NR3C1: variants seen among roughly 807,000 people sequenced by gnomAD.
The protein encoded by NR3C1 is glucocorticoid receptor.
In NR3C1, 14 loss-of-function variants were observed where a neutral mutation model predicts 74.0. That is an observed-to-expected ratio of 0.19 (90% CI 0.12 to 0.30). The LOEUF (loss-of-function observed/expected upper bound fraction) is 0.30, where lower values mean the gene tolerates loss of function less well. Ranked by LOEUF, NR3C1 falls within the 10% of genes least tolerant of loss-of-function variation. The pLI is 1.00. For missense variants in NR3C1, 695 were observed against 909.8 expected (o/e 0.76, Z 3.04); for synonymous variants, 308 against 332.5 (o/e 0.93, Z 0.80).
chr5:143,380,632 TGA>T (rs1246501581), intron 2 of NR3C1, among the ~76,000 whole-genome samples: 2 of 126,566 alleles, frequency 1.6e-5, no homozygotes, highest in Non-Finnish European at 3.1e-5. Context: ...GATGAGTGAC[TGA>T]GAGAGGAACT....
chr5:143,418,105 A>C (rs1434936772), intron 1 of NR3C1, among the ~76,000 whole-genome samples: 2 of 152,218 alleles, frequency 1.3e-5, no homozygotes, highest in Non-Finnish European at 1.5e-5. Context: ...ACCAGACTGA[A>C]TGTGCAAGCT....
rs1003862873 is a variant in NR3C1, at chr5:143,403,358, A to G, written c.-161T>C. On this transcript the variant is annotated 5_prime_UTR_variant, in exon 1 of 9. It removes an upstream start codon present in the reference 5' UTR. Transcript: ENST00000394464. ...GAAGTAAACAGCCGCCCCTTTCTCC[A>G]TGGGTGGGGGGAGAGCCCCTATTTA... 28 of 985,086 alleles carry G rather than the reference A, an allele frequency of 2.8e-5. No individual in the cohort carries two copies. The highest frequency in any genetic ancestry group is 6.2e-5 in the Admixed American group (1 of 16,258). The allele number at this position is 985,086 out of a possible 1,614,324, so 61.0% of individuals were successfully genotyped here. A position where few individuals can be genotyped will look rare whatever the true frequency, so the allele number is the denominator to read the frequency against.
chr5:143,367,326 T>C (rs1488420424), intron 2 of NR3C1, among the ~76,000 whole-genome samples: 1 of 152,000 alleles, frequency 6.6e-6, no homozygotes, highest in Non-Finnish European at 1.5e-5. Context: ...AACTGAAAGG[T>C]TTCCCCACAA....
intron 2 of NR3C1, among the ~76,000 whole-genome samples, chr5:143,352,505 G>GT (rs991832275): frequency 2.6e-4 from 39 of 151,492 alleles, no homozygotes; most frequent in Non-Finnish European, 3.7e-4. Flanking sequence ...CATATTCTAC[G>GT]TTTTTTTTAT....
At chr5:143,324,825 C>T (rs976063880) in intron 2 of NR3C1, among the ~76,000 whole-genome samples, 3 of 152,182 alleles carry the variant, frequency 2.0e-5, no homozygotes, top group African/African-American at 7.2e-5. Flanking sequence ...AATCATCTCT[C>T]TCAAGTTCAA....
At chr5:143,423,490 T>A (rs1430667176) in intron 1 of NR3C1, among the ~76,000 whole-genome samples, 1 of 152,088 alleles carries the variant, frequency 6.6e-6, no homozygotes, top group African/African-American at 2.4e-5. Flanking sequence ...GGAACCCTCA[T>A]ACACTGTTGG....
At chr5:143,379,784 G>A (rs186481611) in intron 2 of NR3C1, among the ~76,000 whole-genome samples, 1 of 152,194 alleles carries the variant, frequency 6.6e-6, no homozygotes, top group Admixed American at 6.5e-5. Context: ...CATTGCTACA[G>A]CCAACCAGCC....
chr5:143,431,225 A>C (rs1176330597), intron 1 of NR3C1, among the ~76,000 whole-genome samples: 1 of 152,102 alleles, frequency 6.6e-6, no homozygotes, highest in Non-Finnish European at 1.5e-5. Flanking sequence ...TCCCCAGTGC[A>C]TTCATTTTTC....
intron 2 of NR3C1, among the ~76,000 whole-genome samples, chr5:143,373,855 T>C (rs1313503594): frequency 6.6e-6 from 1 of 152,054 alleles, no homozygotes; most frequent in Admixed American, 6.6e-5. Context: ...TTAAGTTGGG[T>C]GGTAGGTACA....
At chr5:143,308,970 T>A (rs761519435) in intron 4 of NR3C1, among the ~76,000 whole-genome samples, 2 of 152,174 alleles carry the variant, frequency 1.3e-5, no homozygotes, top group Admixed American at 6.5e-5. Flanking sequence ...AATTCCAAAC[T>A]TTTTTCAGAG....
chr5:143,371,759 C>T (rs1423483320), intron 2 of NR3C1, among the ~76,000 whole-genome samples: 4 of 152,142 alleles, frequency 2.6e-5, no homozygotes, highest in East Asian at 1.9e-4. Context: ...CAAATGTGAA[C>T]GTTCTGTAAA....
At chr5:143,344,962 C>T (rs893479114) in intron 2 of NR3C1, among the ~76,000 whole-genome samples, 6 of 152,066 alleles carry the variant, frequency 3.9e-5, no homozygotes, top group African/African-American at 1.4e-4. Context: ...AGAGTTGGCT[C>T]GTTCTTCCCA....
chr5:143,402,840 A>C (rs1411908529), intron 1 of NR3C1: 1 of 985,134 alleles, frequency 1.0e-6, no homozygotes, highest in Non-Finnish European at 1.2e-6. Context: ...TTCACCACGA[A>C]AACGGGTGTC....
chr5:143,347,119 T>A, intron 2 of NR3C1, among the ~76,000 whole-genome samples: 1 of 152,338 alleles, frequency 6.6e-6, no homozygotes, highest in Non-Finnish European at 1.5e-5. Flanking sequence ...ATATTTGACA[T>A]AGAAAATGTC....
At chr5:143,434,875 T>C (rs1752038199) in exon 1 of NR3C1, 1 of 985,280 alleles carries the variant, frequency 1.0e-6, no homozygotes, top group Non-Finnish European at 1.2e-6. Flanking sequence ...GATGAACAAA[T>C]AGCTACCAAC....
intron 2 of NR3C1, among the ~76,000 whole-genome samples, chr5:143,337,424 G>C (rs985869722): frequency 1.3e-5 from 2 of 152,148 alleles, no homozygotes; most frequent in African/African-American, 2.4e-5. Flanking sequence ...TAAAGTCAAA[G>C]ACAAGAATGT....
upstream of NR3C1, chr5:143,403,787 G>A: frequency 1.0e-6 from 1 of 981,860 alleles, no homozygotes; most frequent in Non-Finnish European, 1.2e-6. Flanking sequence ...GATGCAACCT[G>A]TTGGTGACGC....
At chr5:143,355,199 AC>A (rs1367821041) in intron 2 of NR3C1, among the ~76,000 whole-genome samples, 12 of 152,198 alleles carry the variant, frequency 7.9e-5, no homozygotes, top group Admixed American at 7.9e-4. Context: ...ATGACAGAAT[AC>A]CCCTATAATG....
chr5:143,367,628 A>G (rs1450369755), intron 2 of NR3C1, among the ~76,000 whole-genome samples: 1 of 152,256 alleles, frequency 6.6e-6, no homozygotes, highest in African/African-American at 2.4e-5. Context: ...TCTTAAAGTG[A>G]AATTAAGAAA....
Sources: gnomAD v4.1 joint callset for allele counts (sites outside exome capture counted in the v4.1 genomes callset) on GRCh38, gnomAD v4.1.1 for gene constraint, MANE v1.5 for transcripts, NCBI Gene and HGNC (gene_info 2026-07-23, HGNC 2026-07-21) for gene names.